Variants in WAPL observed in about 807,000 individuals in gnomAD.
The protein encoded by WAPL is wings apart-like protein homolog.
WAPL carries 5 observed loss-of-function variants against 121.0 expected under a neutral mutation model. The observed-to-expected ratio is 0.04, with a 90% CI of 0.02 to 0.09. The LOEUF is 0.09. Ranked by LOEUF, WAPL falls within the 10% of genes least tolerant of loss-of-function variation. The pLI, the probability that WAPL is intolerant of heterozygous loss-of-function variation, is 1.00. For synonymous variants in WAPL, 480 were observed against 481.5 expected, an observed-to-expected ratio of 1.00 and a Z score of 0.04; for missense variants, 999 against 1,410.8, an observed-to-expected ratio of 0.71 and a Z score of 4.68.
chr10:86,489,385 T>C (rs1227733329), intron 4 of WAPL, among the ~76,000 whole-genome samples: 9 of 152,206 alleles, frequency 5.9e-5, no homozygotes, highest in Non-Finnish European at 1.0e-4. Flanking sequence ...ACTCTTTGGT[T>C]TTGATGGGTA....
intron 14 of WAPL, among the ~76,000 whole-genome samples, 169 bp from the exon 15 acceptor site, chr10:86,452,300 A>G (rs991047073): frequency 1.3e-5 from 2 of 152,138 alleles, no homozygotes; most frequent in Non-Finnish European, 2.9e-5. Context: ...AGAAAAAAAA[A>G]AAAGAAAAAA....
intron 17 of WAPL, 54 bp downstream of exon 17, chr10:86,443,221 G>T: frequency 7.2e-7 from 1 of 1,393,624 alleles, no homozygotes; most frequent in Non-Finnish European, 1.0e-6. Flanking sequence ...GTATGAAGTC[G>T]TTACATTGGA....
intron 2 of WAPL, among the ~76,000 whole-genome samples, chr10:86,501,895 G>A (rs1402207419): frequency 6.6e-6 from 1 of 152,110 alleles, no homozygotes; most frequent in Non-Finnish European, 1.5e-5. Context: ...TCACACTACG[G>A]TGCCTAGGCT....
intron 2 of WAPL, 29 bp downstream of exon 2, chr10:86,517,542 G>T: frequency 6.4e-7 from 1 of 1,570,958 alleles, no homozygotes; most frequent in Non-Finnish European, 8.6e-7. Context: ...AAGCTCTCTT[G>T]GCGGAGAATA....
At chr10:86,508,203 T>A (rs922917588) in intron 2 of WAPL, among the ~76,000 whole-genome samples, 1 of 152,208 alleles carries the variant, frequency 6.6e-6, no homozygotes. Context: ...AACTCTTTCC[T>A]GCTCCCCCAA....
At chr10:86,520,083 G>A (rs1430352828) in intron 1 of WAPL, among the ~76,000 whole-genome samples, 1 of 152,214 alleles carries the variant, frequency 6.6e-6, no homozygotes, top group Admixed American at 6.5e-5. Flanking sequence ...ATCACCTGAG[G>A]CCAGGAGTTC....
chr10:86,478,129 T>TA (rs3858277), intron 4 of WAPL, among the ~76,000 whole-genome samples: 2 of 148,740 alleles, frequency 1.3e-5, no homozygotes, highest in Admixed American at 1.3e-4. Context: ...TTTTCTGTAT[T>TA]AAAAAAAAAA....
intron 4 of WAPL, among the ~76,000 whole-genome samples, chr10:86,476,221 G>A (rs1056394674): frequency 1.2e-4 from 18 of 150,496 alleles, no homozygotes; most frequent in Non-Finnish European, 1.9e-4. Flanking sequence ...AAAAATTAGC[G>A]GGGCACGGTG....
At chr10:86,475,021 A>G (rs763507219) in intron 4 of WAPL, among the ~76,000 whole-genome samples, 10 of 152,204 alleles carry the variant, frequency 6.6e-5, no homozygotes, top group Non-Finnish European at 8.8e-5. Flanking sequence ...TCTGCAGCAA[A>G]ATGTTACACT....
chr10:86,501,380 A>C (rs916486929), intron 2 of WAPL, among the ~76,000 whole-genome samples: 4 of 152,222 alleles, frequency 2.6e-5, no homozygotes, highest in African/African-American at 9.6e-5. Context: ...CTGCCTATTC[A>C]TCTGGTATGT....
chr10:86,473,120 C>G (rs765456991), intron 5 of WAPL, among the ~76,000 whole-genome samples: 2 of 152,084 alleles, frequency 1.3e-5, no homozygotes, highest in Non-Finnish European at 2.9e-5. Context: ...AAAAACCAGA[C>G]AGAGTCAAAA....
At chr10:86,449,801 CAA>C (rs1443393180) in intron 15 of WAPL, among the ~76,000 whole-genome samples, 5 of 151,990 alleles carry the variant, frequency 3.3e-5, no homozygotes, top group Admixed American at 2.0e-4. Context: ...AAAAATAAAA[CAA>C]GAGATGGAAA....
At position 86,498,783 on chromosome 10, in the gene WAPL, T is replaced by C. The variant is rs1384592859; in HGVS notation, c.1525+935A>G. ...GGCAGAGCTAACCTATTTCTTTTGT[T>C]TGTCTCTCACAGTGGAGACTGAACT... On this transcript the variant is annotated intron_variant, in intron 3 of 18. Coordinates refer to ENST00000298767, the MANE Select transcript of WAPL (RefSeq NM_015045.5). Among the ~76,000 whole-genome samples, 7 of 152,184 alleles carry C rather than the reference T, an allele frequency of 4.6e-5. No individual in the cohort carries two copies. In the East Asian group the frequency reaches 9.6e-4, roughly 21 times the overall value.
At position 86,497,186 on chromosome 10, in the gene WAPL, C is replaced by T. The variant is rs4934215; in HGVS notation, c.1644+15G>A. 0.96 allele frequency: 1,507,554 copies of T among 1,570,222 alleles called. 724,567 individuals are homozygous for T. The highest frequency in any genetic ancestry group is 1 in the East Asian group (44,466 of 44,524). On this transcript the variant is annotated intron_variant, in intron 4 of 18. Coordinates refer to ENST00000298767, the MANE Select transcript of WAPL (RefSeq NM_015045.5). The stretch of plus-strand genomic sequence containing the variant: ...ACAAATAAATAATAAAAATCACTGA[C>T]AGTGCTTTACTTACCCGTTTGGGGC...
chr10:86,460,632 G>A (rs1305425326), intron 10 of WAPL, 136 bp from the exon 11 acceptor site: 1 of 625,846 alleles, frequency 1.6e-6, no homozygotes, highest in East Asian at 3.0e-5. Context: ...TTTTATTCTA[G>A]GTTTCATACT....
intron 2 of WAPL, among the ~76,000 whole-genome samples, chr10:86,507,391 T>TAAAAAAA (rs1842373129): frequency 9.1e-6 from 1 of 110,256 alleles, no homozygotes. Flanking sequence ...AAAAAAAAAT[T>TAAAAAAA]AAAGCCCCTT....
At chr10:86,493,030 G>A (rs563563048) in intron 4 of WAPL, among the ~76,000 whole-genome samples, 2 of 150,236 alleles carry the variant, frequency 1.3e-5, no homozygotes, top group African/African-American at 4.9e-5. Context: ...CACTGCACTC[G>A]AGCCTGGGTG....
At chr10:86,498,301 G>A (rs1842187086) in intron 3 of WAPL, among the ~76,000 whole-genome samples, 1 of 152,206 alleles carries the variant, frequency 6.6e-6, no homozygotes, top group Non-Finnish European at 1.5e-5. Flanking sequence ...ATGCCTAGCT[G>A]TTCTGCCTAG....
At chr10:86,476,898 T>C (rs1473713182) in intron 4 of WAPL, among the ~76,000 whole-genome samples, 3 of 152,134 alleles carry the variant, frequency 2.0e-5, no homozygotes, top group South Asian at 2.1e-4. Flanking sequence ...TACAGAATAA[T>C]TGAACAATTT....
Sources: allele counts gnomAD v4.1 joint callset (sites outside exome capture counted in the v4.1 genomes callset), GRCh38; gene constraint gnomAD v4.1.1; transcripts MANE v1.5; gene names NCBI Gene and HGNC (gene_info 2026-07-23, HGNC 2026-07-21).